ATXN1L: variants seen among roughly 807,000 people sequenced by gnomAD.
ATXN1L encodes ataxin-1-like.
Under a neutral mutation model 43.4 loss-of-function variants are expected in ATXN1L, and 8 were observed. That is an observed-to-expected ratio of 0.18 (90% CI 0.11 to 0.33). The LOEUF is 0.33. Ranked by LOEUF, ATXN1L falls within the 10% of genes least tolerant of loss-of-function variation. The pLI is 1.00. For missense variants in ATXN1L, 856 were observed against 885.4 expected (o/e 0.97, Z 0.42); for synonymous variants, 379 against 360.6 (o/e 1.05, Z -0.58).
In ATXN1L at chr16:71,851,836, G is replaced by A. The variant is rs1056108760; in HGVS notation, c.*26G>A. 1.4e-6 allele frequency: 2 copies of A among 1,405,908 alleles called. No homozygotes were observed. The highest frequency in any genetic ancestry group is 2.9e-5 in the African/African-American group (2 of 69,168). The allele number at this position is 1,405,908 out of a possible 1,614,324, so 87.1% of individuals were successfully genotyped here. A position where few individuals can be genotyped will look rare whatever the true frequency, so the allele number is the denominator to read the frequency against. On this transcript the variant is annotated 3_prime_UTR_variant, in exon 3 of 3. Transcript: ENST00000427980. The surrounding 1 kb of genome is among the most constrained non-coding windows in gnomAD (Gnocchi z 4.9). ...ACCTCTTCCCCAGACCAGGACTGGGGCTTTACCCCAGAGCCTCGCCTCGCC... is the reference window on the plus strand; with the variant it reads ...ACCTCTTCCCCAGACCAGGACTGGGACTTTACCCCAGAGCCTCGCCTCGCC...
intron 2 of ATXN1L, 83 bp downstream of exon 2, chr16:71,848,154 A>G (rs944669342): frequency 2.5e-5 from 11 of 440,800 alleles, no homozygotes; most frequent in Non-Finnish European, 5.0e-5. Context: ...TGTAATATAG[A>G]AAGCTCTTTT....
intron 1 of ATXN1L, 150 bp downstream of exon 1, chr16:71,846,254 C>G (rs1196611745): frequency 3.3e-5 from 5 of 153,592 alleles, no homozygotes; most frequent in African/African-American, 9.6e-5. Flanking sequence ...CCTAGACCCC[C>G]TCGCGCTTCT....
At position 71,852,274 on chromosome 16, in the gene ATXN1L, G is replaced by A. The variant is rs780635897; in HGVS notation, c.*464G>A. 1.8e-5 allele frequency: 3 copies of A among 167,452 alleles called. No homozygotes were observed. Among genetic ancestry groups the A allele is most frequent in the Admixed American group, 1.3e-4 (2 of 15,298 alleles). The allele number at this position is 167,452 out of a possible 1,614,324, so 10.4% of individuals were successfully genotyped here. On this transcript the variant is annotated 3_prime_UTR_variant, in exon 3 of 3. Transcript: ENST00000427980. ...TGGTAGAAGGGCAGGAGGCCCCAAG[G>A]TTGGAAATAAGAGGGTTCCCACCCA... is the stretch of plus-strand genomic sequence containing the variant.
At position 71,850,259 on chromosome 16, in the gene ATXN1L, C is replaced by G. The variant is rs1165921331; in HGVS notation, c.519C>G (p.His173Gln). The G allele has an allele frequency of 1.9e-6, 3 of 1,551,716 alleles. No individual in the cohort carries two copies. Among genetic ancestry groups the G allele is most frequent in the South Asian group, 1.2e-5 (1 of 84,066 alleles). ...SANLATSHLP[H>Q]FVPYASLLAE... ...ACCTTGCCACCTCTCACCTTCCACA[C>G]TTTGTGCCATATGCCTCACTTCTGG... The change falls in exon 3 of 3, where the codon CAC (histidine) becomes CAG (glutamine). Residue 173 changes from histidine to glutamine, a missense_variant. By Grantham distance (24) the His-to-Gln change is conservative. Around this residue, in one of 7 missense-constraint regions of ATXN1L, gnomAD observed 490 missense variants for 449.4 expected, o/e 1.09. Transcript: ENST00000427980.
chr16:71,846,427 C>T (rs536729549), intron 1 of ATXN1L, among the ~76,000 whole-genome samples: 2 of 152,224 alleles, frequency 1.3e-5, no homozygotes, highest in Admixed American at 6.5e-5. Context: ...GGACCCCCTA[C>T]TCTCTAAACG....
At chr16:71,846,367 CAAGG>C (rs1341995852) in intron 1 of ATXN1L, among the ~76,000 whole-genome samples, 3 of 152,254 alleles carry the variant, frequency 2.0e-5, no homozygotes, top group African/African-American at 7.2e-5. Context: ...GGCCCCCAAA[CAAGG>C]AAGCGTCGCC....
chr16:71,851,438 G>A lies in ATXN1L; in HGVS notation c.1698G>A (p.Leu566=). The A allele has an allele frequency of 7.7e-6, 12 of 1,551,606 alleles. No individual in the cohort carries two copies. Among genetic ancestry groups the A allele is most frequent in the Non-Finnish European group, 1.0e-5 (12 of 1,146,998 alleles). The change falls in exon 3 of 3, where the codon CTG becomes CTA. Residue 566 remains leucine, a synonymous_variant. Coordinates refer to ENST00000427980, the MANE Select transcript of ATXN1L (RefSeq NM_001137675.4). This position sits in a 1 kb window ranked among gnomAD's most constrained non-coding sequence, Gnocchi z 4.9. The part of the protein sequence containing the change: ...SPGRTTQLFS[L]PCHRLQVGDV... The stretch of plus-strand genomic sequence containing the variant: ...GGCGGACGACACAACTCTTCTCTCT[G>A]CCCTGCCATCGGCTACAGGTGGGAG...
rs2033532228 is a variant in ATXN1L at position 71,854,256 on chromosome 16, A to C, written c.*2446A>C. The C allele has an allele frequency of 6.0e-6, 1 of 167,152 alleles. No individual in the cohort carries two copies. Among genetic ancestry groups the C allele is most frequent in the South Asian group, 2.1e-4 (1 of 4,826 alleles). The allele number at this position is 167,152 out of a possible 1,614,324, so 10.4% of individuals were successfully genotyped here. On this transcript the variant is annotated 3_prime_UTR_variant, in exon 3 of 3. Coordinates refer to ENST00000427980, the MANE Select transcript of ATXN1L (RefSeq NM_001137675.4). ...CAGACCAATTAGTTTAGATCAAATC[A>C]CCTTCCACTTGGGCTACTTGTGACT...
rs2033551043 is a variant in ATXN1L, at chr16:71,856,360, A to G, written c.*4550A>G. 1 of 167,152 alleles carries G rather than the reference A, an allele frequency of 6.0e-6. No individual in the cohort carries two copies. The highest frequency in any genetic ancestry group is 2.4e-5 in the African/African-American group (1 of 41,460). 10.4% of individuals were successfully genotyped at this position (167,152 alleles called of 1,614,324 possible). On this transcript the variant is annotated 3_prime_UTR_variant, in exon 3 of 3. Transcript: ENST00000427980. ...GGTTCTTGCCTGCAGTGTGTGTGGC[A>G]GCAGCCCATGTGCCTTTACCTGTTG...
At chr16:71,849,448 A>G (rs1048139190) in intron 2 of ATXN1L, among the ~76,000 whole-genome samples, 176 bp from the exon 3 acceptor site, 3 of 151,940 alleles carry the variant, frequency 2.0e-5, no homozygotes, top group African/African-American at 7.3e-5. Flanking sequence ...TGTTTCTCTC[A>G]TGTCCCAGGC....
At chr16:71,846,890 G>A (rs1003782963) in intron 1 of ATXN1L, among the ~76,000 whole-genome samples, 1 of 152,044 alleles carries the variant, frequency 6.6e-6, no homozygotes, top group Non-Finnish European at 1.5e-5. Context: ...TTTCTTTAAA[G>A]TTTTCGTTAC....
Position 71,854,049 on chromosome 16 carries a change from G to A in ATXN1L, c.*2239G>A, listed in dbSNP as rs1024264162. On this transcript the variant is annotated 3_prime_UTR_variant, in exon 3 of 3. Transcript: ENST00000427980. ...TTGGGAGAAGGCCTCATCTCTGGCT[G>A]TTTCATGAGCAACTCATTCCTAGAG... The A allele has an allele frequency of 1.2e-5, 2 of 167,072 alleles. No homozygotes were observed. The highest frequency in any genetic ancestry group is 4.8e-5 in the African/African-American group (2 of 41,454). The allele number at this position is 167,072 out of a possible 1,614,324, so 10.3% of individuals were successfully genotyped here. A position where few individuals can be genotyped will look rare whatever the true frequency, so the allele number is the denominator to read the frequency against.
rs1311861028 is a variant in ATXN1L, at chr16:71,857,204, G to A, written c.*5394G>A. ...AAGTCTCTGTACTTGGCTACACACA[G>A]ATTGTATTTTTATTGTTAATGCTCT... is the stretch of plus-strand genomic sequence containing the variant. On this transcript the variant is annotated 3_prime_UTR_variant, in exon 3 of 3. Transcript: ENST00000427980. 6.0e-6 allele frequency: 1 copy of A among 165,810 alleles called. No homozygotes were observed. The highest frequency in any genetic ancestry group is 1.5e-5 in the Non-Finnish European group (1 of 68,098). The allele number at this position is 165,810 out of a possible 1,614,324, so 10.3% of individuals were successfully genotyped here.
Position 71,850,761 on chromosome 16 carries a change from G to C in ATXN1L, c.1021G>C (p.Val341Leu). Reference protein sequence around the residue: ...PDTDLEVQRVVGALASQDYRV... With the variant: ...PDTDLEVQRVLGALASQDYRV... ...CACTGACCTTGAGGTCCAGCGGGTG[G>C]TTGGCGCTTTAGCTTCTCAGGACTA... Residue 341 changes from valine to leucine, a missense_variant, in exon 3 of 3, where the codon GTT (valine) becomes CTT (leucine). Transcript: ENST00000427980. 1.3e-6 allele frequency: 2 copies of C among 1,551,690 alleles called. No homozygotes were observed. Among genetic ancestry groups the C allele is most frequent in the Non-Finnish European group, 8.7e-7 (1 of 1,146,988 alleles).
At position 71,850,930 on chromosome 16, in the gene ATXN1L, C is replaced by G. The variant is rs781607705; in HGVS notation, c.1190C>G (p.Pro397Arg). 6 of 1,551,712 alleles carry G rather than the reference C, an allele frequency of 3.9e-6. No homozygotes were observed. In the South Asian group the frequency reaches 7.1e-5, roughly 18 times the overall value. The change falls in exon 3 of 3, where the codon CCT becomes CGT. Residue 397 changes from proline (P) to arginine (R), a missense_variant. Around this residue, in one of 7 missense-constraint regions of ATXN1L, gnomAD observed 490 missense variants for 449.4 expected, o/e 1.09. Coordinates refer to ENST00000427980, the MANE Select transcript of ATXN1L (RefSeq NM_001137675.4). ...AAAAGTCAGGCCCGTGGGTTCTACC[C>G]TCAGTCCCATCAGGAACCAGTAAAA... ...AEKSQARGFYPQSHQEPVKHR... is the reference protein window; with the variant it reads ...AEKSQARGFYRQSHQEPVKHR...
At position 71,849,801 on chromosome 16, in the gene ATXN1L, G is replaced by A. The variant is rs557574855; in HGVS notation, c.61G>A (p.Val21Met). 9.7e-6 allele frequency: 15 copies of A among 1,548,312 alleles called. No homozygotes were observed. Among genetic ancestry groups the A allele is most frequent in the South Asian group, 8.4e-5 (7 of 83,644 alleles). The change falls in exon 3 of 3, where the codon GTG (valine) becomes ATG (methionine). Residue 21 changes from valine to methionine, a missense_variant. Transcript: ENST00000427980. ...CLPPKKRDLP[V>M]TSEDMGRTTS... ...TCCACCAAAGAAACGAGACCTCCCC[G>A]TGACCAGCGAGGATATGGGGAGAAC... is the stretch of plus-strand genomic sequence containing the variant.
rs575938905 is a variant in ATXN1L, at chr16:71,849,830, C to T, written c.90C>T (p.Thr30=). The change falls in exon 3 of 3, where the codon ACC becomes ACT. Residue 30 remains threonine, a synonymous_variant. Transcript: ENST00000427980. ...PVTSEDMGRT[T]SCSTNHTPSS... ...CCAGCGAGGATATGGGGAGAACTAC[C>T]AGCTGCTCCACTAACCACACACCCT... The T allele has an allele frequency of 1.9e-6, 3 of 1,551,174 alleles. No homozygotes were observed. The highest frequency in any genetic ancestry group is 1.2e-5 in the South Asian group (1 of 83,976).
At chr16:71,847,359 A>T (rs2033453410) in intron 1 of ATXN1L, among the ~76,000 whole-genome samples, 1 of 152,064 alleles carries the variant, frequency 6.6e-6, no homozygotes, top group Admixed American at 6.6e-5. Flanking sequence ...CAATATTTTC[A>T]GTTTCTTTCA....
At position 71,856,864 on chromosome 16, in the gene ATXN1L, T is replaced by C. The variant is rs1476298802; in HGVS notation, c.*5054T>C. On this transcript the variant is annotated 3_prime_UTR_variant, in exon 3 of 3. Transcript: ENST00000427980. ...CCTAAGGAGTGGAGAAGGATGGCAC[T>C]GGGGAGGTCTGGATGGATCTGTGTA... The C allele has an allele frequency of 1.2e-5, 2 of 167,220 alleles. No individual in the cohort carries two copies. The highest frequency in any genetic ancestry group is 2.9e-5 in the Non-Finnish European group (2 of 68,138). 10.4% of individuals were successfully genotyped at this position (167,220 alleles called of 1,614,324 possible). A position where few individuals can be genotyped will look rare whatever the true frequency, so the allele number is the denominator to read the frequency against.
Sources: allele counts gnomAD v4.1 joint callset (sites outside exome capture counted in the v4.1 genomes callset), GRCh38; gene constraint gnomAD v4.1.1; regional missense constraint gnomAD v4.1.1; non-coding constraint Gnocchi (gnomAD v3.1); transcripts MANE v1.5; gene names NCBI Gene and HGNC (gene_info 2026-07-23, HGNC 2026-07-21).